FANCC: variants seen among roughly 807,000 people sequenced by gnomAD.
FANCC encodes Fanconi anemia group C protein.
In FANCC, 55 loss-of-function variants were observed where a neutral mutation model predicts 71.3. The observed-to-expected ratio is 0.77, with a 90% CI of 0.62 to 0.97. The LOEUF is 0.97. Among genes scored for constraint, FANCC ranks in the 50% least tolerant of loss-of-function variants. FANCC has a pLI of 0.00. For missense variants in FANCC, 678 were observed against 670.9 expected, an observed-to-expected ratio of 1.01 and a Z score of -0.12; for synonymous variants, 275 against 244.9, an observed-to-expected ratio of 1.12 and a Z score of -1.15.
At chr9:95,202,851 GAAT>G (rs1324937222) in intron 4 of FANCC, among the ~76,000 whole-genome samples, 4 of 152,220 alleles carry the variant, frequency 2.6e-5, no homozygotes, top group African/African-American at 9.6e-5. Context: ...GTATACACAA[GAAT>G]GATGAGTTCT....
chr9:95,130,204 T>C (rs967013229), intron 8 of FANCC, among the ~76,000 whole-genome samples: 1 of 152,096 alleles, frequency 6.6e-6, no homozygotes, highest in African/African-American at 2.4e-5. Context: ...TACAAGCCAC[T>C]TGCCACTTGA....
chr9:95,290,178 A>G (rs1833922411), intron 1 of FANCC, among the ~76,000 whole-genome samples: 1 of 152,194 alleles, frequency 6.6e-6, no homozygotes, highest in Admixed American at 6.5e-5. Context: ...GACCAAAACC[A>G]TATAAAACCC....
At chr9:95,224,926 C>A (rs1246484324) in intron 4 of FANCC, among the ~76,000 whole-genome samples, 1 of 152,184 alleles carries the variant, frequency 6.6e-6, no homozygotes, top group African/African-American at 2.4e-5. Context: ...TCAAACCACA[C>A]AGCTTTTAAA....
At chr9:95,147,408 C>T (rs1252405926) in intron 7 of FANCC, among the ~76,000 whole-genome samples, 4 of 152,056 alleles carry the variant, frequency 2.6e-5, no homozygotes, top group East Asian at 1.9e-4. Flanking sequence ...CCCAGCTACT[C>T]GGGAGGCTGA....
chr9:95,101,413 C>G lies in FANCC; in HGVS notation c.*294G>C. On this transcript the variant is annotated 3_prime_UTR_variant, in exon 15 of 15. Transcript: ENST00000289081. ...AAAACTAGAAACCTGTTCTCCCACCCAGGCCTTTGCTTTAGTAATTATCAA... is the reference window on the plus strand; with the variant it reads ...AAAACTAGAAACCTGTTCTCCCACCGAGGCCTTTGCTTTAGTAATTATCAA... 1 of 482,056 alleles carries G rather than the reference C, an allele frequency of 2.1e-6. No individual in the cohort carries two copies. Among genetic ancestry groups the G allele is most frequent in the Non-Finnish European group, 3.8e-6 (1 of 264,048 alleles). 29.9% of individuals were successfully genotyped at this position (482,056 alleles called of 1,614,324 possible). A position where few individuals can be genotyped will look rare whatever the true frequency, so the allele number is the denominator to read the frequency against.
chr9:95,296,399 A>C (rs1301699608), intron 1 of FANCC, among the ~76,000 whole-genome samples: 1 of 152,208 alleles, frequency 6.6e-6, no homozygotes, highest in East Asian at 1.9e-4. Context: ...GGAAAAACTC[A>C]ACAGATCTGA....
rs529476689 is a variant in FANCC, at chr9:95,292,635, C to T, written c.-79+24891G>A. 34 of 1,409,056 alleles carry T rather than the reference C, an allele frequency of 2.4e-5. 1 individual carries two copies. The Admixed American group carries it at 5.5e-4, about 23-fold the overall frequency. 87.3% of individuals were successfully genotyped at this position (1,409,056 alleles called of 1,614,324 possible). On this transcript the variant is annotated intron_variant, in intron 1 of 14. Coordinates refer to ENST00000289081, the MANE Select transcript of FANCC (RefSeq NM_000136.3). ...CAAGATCCTGCCCAACAGCCCCGCGCTCAACATGCACCTGGTCAAGAGCCA... is the reference window on the plus strand; with the variant it reads ...CAAGATCCTGCCCAACAGCCCCGCGTTCAACATGCACCTGGTCAAGAGCCA...
At chr9:95,121,053 C>T (rs2072840320) in intron 10 of FANCC, among the ~76,000 whole-genome samples, 1 of 152,146 alleles carries the variant, frequency 6.6e-6, no homozygotes, top group Non-Finnish European at 1.5e-5. Flanking sequence ...CTGATGGCCT[C>T]CAGTTTCTGT....
At chr9:95,127,913 A>C (rs555087592) in intron 8 of FANCC, among the ~76,000 whole-genome samples, 4 of 152,322 alleles carry the variant, frequency 2.6e-5, no homozygotes, top group Admixed American at 1.3e-4. Context: ...TAATTATTTC[A>C]AGATTTCTAA....
At chr9:95,124,103 C>CA (rs139226812) in intron 10 of FANCC, among the ~76,000 whole-genome samples, 6 of 43,540 alleles carry the variant, frequency 1.4e-4, no homozygotes, top group Admixed American at 3.2e-4. Flanking sequence ...AACCTTGTCT[C>CA]AAAAAAAAAA....
At chr9:95,161,980 T>C (rs965967124) in intron 6 of FANCC, among the ~76,000 whole-genome samples, 1 of 152,130 alleles carries the variant, frequency 6.6e-6, no homozygotes, top group African/African-American at 2.4e-5. Context: ...TAGCCAGGAT[T>C]ACAGGCACCC....
chr9:95,172,208 T>C, intron 4 of FANCC, 61 bp from the exon 5 acceptor site: 1 of 1,004,998 alleles, frequency 1.0e-6, no homozygotes, highest in Non-Finnish European at 1.6e-6. Context: ...GCCTTTTATG[T>C]ACAATGCCTA....
intron 6 of FANCC, among the ~76,000 whole-genome samples, chr9:95,156,495 CTTATAT>C (rs539157970): frequency 1.6e-3 from 242 of 152,162 alleles, no homozygotes; most frequent in African/African-American, 5.5e-3. Flanking sequence ...GTGTTGAGCC[CTTATAT>C]ATAGTTTTTA....
At chr9:95,282,684 C>T (rs1314147725) in intron 1 of FANCC, among the ~76,000 whole-genome samples, 2 of 152,062 alleles carry the variant, frequency 1.3e-5, no homozygotes, top group Non-Finnish European at 2.9e-5. Flanking sequence ...ATATGTTAGG[C>T]CACAAAATAA....
At chr9:95,139,836 A>ATATATATATATATATAAATATATATATT (rs1564685126) in intron 7 of FANCC, among the ~76,000 whole-genome samples, 5 of 144,182 alleles carry the variant, frequency 3.5e-5, no homozygotes, top group African/African-American at 1.3e-4. Flanking sequence ...ATATATATTT[A>ATATATATATATATATAAATATATATATT]TATATATATA....
chr9:95,215,719 G>T (rs370374534), intron 4 of FANCC, among the ~76,000 whole-genome samples: 1 of 152,198 alleles, frequency 6.6e-6, no homozygotes, highest in African/African-American at 2.4e-5. Context: ...GAAGCCCCAC[G>T]TAGAGGCCAT....
intron 4 of FANCC, among the ~76,000 whole-genome samples, chr9:95,180,623 G>A (rs1331428318): frequency 6.6e-6 from 1 of 151,440 alleles, no homozygotes; most frequent in African/African-American, 2.4e-5. Context: ...ATAGGCATGA[G>A]CCACCACATC....
intron 5 of FANCC, among the ~76,000 whole-genome samples, 154 bp downstream of exon 5, chr9:95,171,883 C>T (rs576122586): frequency 2.5e-4 from 38 of 152,256 alleles, no homozygotes; most frequent in Non-Finnish European, 1.8e-4. Context: ...ACATTTCTTC[C>T]GTACATGGCC....
At chr9:95,262,669 C>T (rs1387855261) in intron 1 of FANCC, among the ~76,000 whole-genome samples, 1 of 152,186 alleles carries the variant, frequency 6.6e-6, no homozygotes, top group Non-Finnish European at 1.5e-5. Flanking sequence ...GATATTTGTA[C>T]ACCCAATTTC....
Sources: gnomAD v4.1 joint callset for allele counts (sites outside exome capture counted in the v4.1 genomes callset) on GRCh38, gnomAD v4.1.1 for gene constraint, MANE v1.5 for transcripts, NCBI Gene and HGNC (gene_info 2026-07-23, HGNC 2026-07-21) for gene names.